Variants in PACRG observed in about 807,000 individuals in gnomAD.
PACRG encodes the protein parkin coregulated gene protein.
In PACRG, 29 loss-of-function variants were observed where a neutral mutation model predicts 29.7. The observed-to-expected ratio is 0.98, with a 90% CI of 0.73 to 1.33. The LOEUF (loss-of-function observed/expected upper bound fraction) is 1.33, where lower values mean the gene tolerates loss of function less well. Ranked by LOEUF, PACRG falls within the 40% of genes most tolerant of loss-of-function variation. The pLI is 0.00. For missense variants in PACRG, 279 were observed against 316.2 expected, an observed-to-expected ratio of 0.88 and a Z score of 0.89; for synonymous variants, 116 against 118.7, an observed-to-expected ratio of 0.98 and a Z score of 0.15.
intron 2 of PACRG, among the ~76,000 whole-genome samples, chr6:162,989,341 G>A (rs1013053860): frequency 2.6e-5 from 4 of 152,148 alleles, no homozygotes; most frequent in African/African-American, 9.7e-5. Flanking sequence ...CCTGACAGAT[G>A]TATCATAATG....
intron 2 of PACRG, among the ~76,000 whole-genome samples, chr6:163,038,843 G>A (rs866479648): frequency 2.0e-5 from 3 of 152,272 alleles, no homozygotes; most frequent in South Asian, 4.2e-4. Context: ...TATCCTATGG[G>A]AATAGGAAAC....
intron 4 of PACRG, among the ~76,000 whole-genome samples, chr6:163,148,689 G>C (rs188587393): frequency 9.0e-4 from 137 of 152,164 alleles, no homozygotes; most frequent in African/African-American, 3.2e-3. Context: ...CTCCTCTCCA[G>C]CTCTTTCCCA....
At chr6:163,023,874 C>A (rs1278115857) in intron 2 of PACRG, among the ~76,000 whole-genome samples, 1 of 152,090 alleles carries the variant, frequency 6.6e-6, no homozygotes, top group East Asian at 1.9e-4. Flanking sequence ...TATATGTCTT[C>A]TTTTGAGAAG....
chr6:162,815,735 T>C (rs1418132574), intron 2 of PACRG, among the ~76,000 whole-genome samples: 1 of 152,100 alleles, frequency 6.6e-6, no homozygotes, highest in Non-Finnish European at 1.5e-5. Flanking sequence ...TTTGTTTGGA[T>C]TTTTGGATTC....
chr6:163,213,858 T>C (rs1286095889), intron 4 of PACRG, among the ~76,000 whole-genome samples: 2 of 143,946 alleles, frequency 1.4e-5, no homozygotes, highest in Admixed American at 6.7e-5. Flanking sequence ...CTAACTGAAA[T>C]TTACATTGGT....
chr6:162,814,126 A>ATT (rs34793124), intron 1 of PACRG, 21 bp from the exon 2 acceptor site: 93 of 1,229,512 alleles, frequency 7.6e-5, no homozygotes, highest in African/African-American at 4.2e-4. Flanking sequence ...CCTGATCCCT[A>ATT]TTTTTTTTTT....
At chr6:163,105,604 G>A (rs1226184850) in intron 4 of PACRG, among the ~76,000 whole-genome samples, 1 of 152,116 alleles carries the variant, frequency 6.6e-6, no homozygotes, top group Admixed American at 6.5e-5. Context: ...GCTATGTTCA[G>A]TGAAATGGCT....
intron 4 of PACRG, among the ~76,000 whole-genome samples, chr6:163,246,858 C>T (rs1439896053): frequency 1.3e-5 from 2 of 152,324 alleles, no homozygotes; most frequent in South Asian, 2.1e-4. Flanking sequence ...CCAGTTACAA[C>T]ATTATCATGA....
chr6:162,766,245 A>G (rs1377827623), intron 1 of PACRG, among the ~76,000 whole-genome samples: 1 of 152,144 alleles, frequency 6.6e-6, no homozygotes, highest in African/African-American at 2.4e-5. Context: ...GGTAACCACC[A>G]TTCTACTCTC....
At chr6:162,744,629 T>G (rs767327192) in intron 1 of PACRG, among the ~76,000 whole-genome samples, 6 of 152,140 alleles carry the variant, frequency 3.9e-5, no homozygotes, top group Non-Finnish European at 7.3e-5. Flanking sequence ...AAGTTGTGTA[T>G]AGTAAGAATT....
chr6:163,239,601 G>C, intron 4 of PACRG, among the ~76,000 whole-genome samples: 1 of 151,726 alleles, frequency 6.6e-6, no homozygotes, highest in Non-Finnish European at 1.5e-5. Flanking sequence ...CTGATGGTGT[G>C]GGCACAGCTG....
intron 4 of PACRG, among the ~76,000 whole-genome samples, chr6:163,192,909 T>C (rs1540920): frequency 0.97 from 147,341 of 152,294 alleles, 71,314 homozygotes; most frequent in East Asian, 1. Flanking sequence ...ACACACTTCT[T>C]CACTCCTTGG....
intron 4 of PACRG, among the ~76,000 whole-genome samples, chr6:163,263,243 C>G (rs1371535915): frequency 6.6e-6 from 1 of 151,534 alleles, no homozygotes; most frequent in East Asian, 1.9e-4. Flanking sequence ...ATCCCGAGAG[C>G]CCAGAAAGAA....
rs375139984 is a variant in PACRG, at chr6:162,999,969, TTTGTAA to T, written c.292-62175_292-62170del. Among the ~76,000 whole-genome samples the T allele has an allele frequency of 4.3e-3, 659 of 152,264 alleles. 5 individuals are homozygous for T. The highest frequency in any genetic ancestry group is 0.015 in the African/African-American group (634 of 41,542). On this transcript the variant is annotated intron_variant, in intron 2 of 4. Coordinates refer to ENST00000366888, the MANE Select transcript of PACRG (RefSeq NM_001080379.2). ...GCCTACAATGGTAATAATTTTACAGTTTGTAATTGTACCAGAAACCTCCAACTGGAT... is the reference window on the plus strand; with the variant it reads ...GCCTACAATGGTAATAATTTTACAGTTTGTACCAGAAACCTCCAACTGGAT...
At chr6:163,105,782 A>C (rs1362086183) in intron 4 of PACRG, among the ~76,000 whole-genome samples, 1 of 152,160 alleles carries the variant, frequency 6.6e-6, no homozygotes, top group African/African-American at 2.4e-5. Flanking sequence ...AGTCATGGAA[A>C]GTTAGAAATC....
chr6:162,940,648 T>C lies in PACRG; in HGVS notation c.292-121502T>C, dbSNP rs6923738. Among the ~76,000 whole-genome samples the C allele has an allele frequency of 2.4e-3, 364 of 152,290 alleles. 1 individual carries two copies. The highest frequency in any genetic ancestry group is 8.6e-3 in the African/African-American group (357 of 41,572). ...CCCACGTGAAGCTCTCCCGCTCTGCTCCGTGCCTGGACCGGCTGCTGCTGT... is the reference window on the plus strand; with the variant it reads ...CCCACGTGAAGCTCTCCCGCTCTGCCCCGTGCCTGGACCGGCTGCTGCTGT... On this transcript the variant is annotated intron_variant, in intron 2 of 4. Coordinates refer to ENST00000366888, the MANE Select transcript of PACRG (RefSeq NM_001080379.2).
intron 2 of PACRG, among the ~76,000 whole-genome samples, chr6:162,850,496 C>G (rs1239387646): frequency 6.6e-6 from 1 of 152,122 alleles, no homozygotes; most frequent in Non-Finnish European, 1.5e-5. Context: ...TACCCCTGAA[C>G]CCAGGGAGGG....
At chr6:163,267,460 G>A (rs561635022) in intron 4 of PACRG, among the ~76,000 whole-genome samples, 2 of 152,312 alleles carry the variant, frequency 1.3e-5, no homozygotes, top group East Asian at 3.9e-4. Context: ...GTCATATCCA[G>A]TGGGACCATA....
At chr6:163,110,824 A>T (rs573908163) in intron 4 of PACRG, among the ~76,000 whole-genome samples, 67 of 152,316 alleles carry the variant, frequency 4.4e-4, no homozygotes, top group Middle Eastern at 3.4e-3. Context: ...GGGCCATGGT[A>T]TGGCTGATGA....
Sources: allele counts gnomAD v4.1 joint callset (sites outside exome capture counted in the v4.1 genomes callset), GRCh38; gene constraint gnomAD v4.1.1; transcripts MANE v1.5; gene names NCBI Gene and HGNC (gene_info 2026-07-23, HGNC 2026-07-21).